The following ADGRL2 variants were observed in gnomAD, a reference collection of about 807,000 sequenced individuals.
ADGRL2 encodes calcium-independent alpha-latrotoxin receptor 2.
ADGRL2 carries 44 observed loss-of-function variants against 157.4 expected under a neutral mutation model. That is an observed-to-expected ratio of 0.28 (90% CI 0.22 to 0.36). ADGRL2 has a LOEUF of 0.36. ADGRL2 is among the 10% of genes least tolerant of loss of function. The probability of loss-of-function intolerance (pLI) is 1.00; values close to 1 mark genes in which losing one functional copy is unlikely to be tolerated. For synonymous variants in ADGRL2, 585 were observed against 624.7 expected, an observed-to-expected ratio of 0.94 and a Z score of 0.95; for missense variants, 1,510 against 1,768.9, an observed-to-expected ratio of 0.85 and a Z score of 2.63.
intron 1 of ADGRL2, among the ~76,000 whole-genome samples, chr1:81,357,610 A>T (rs917126027): frequency 2.0e-5 from 3 of 152,222 alleles, no homozygotes; most frequent in African/African-American, 7.2e-5. Flanking sequence ...AATTTCAGAA[A>T]TTCCTTATTA....
Position 81,943,250 on chromosome 1 carries a change from A to C in ADGRL2, c.691A>C (p.Arg231=), listed in dbSNP as rs778539325. 2.5e-6 allele frequency: 4 copies of C among 1,613,546 alleles called. No individual in the cohort carries two copies. The highest frequency in any genetic ancestry group is 1.3e-5 in the African/African-American group (1 of 74,880). The change falls in exon 6 of 24, where the codon AGG becomes CGG. Residue 231 remains arginine (R), a synonymous_variant. Coordinates refer to ENST00000686636, the MANE Select transcript of ADGRL2 (RefSeq NM_001366006.2). The surrounding 1 kb of genome is among the most constrained non-coding windows in gnomAD (Gnocchi z 5.6). ...TGTCTTCTTTAACAAAGAAAGAACG[A>C]GGAATATTGTGAAATTTGACTTGAG... ...GAVFFNKERT[R]NIVKFDLRTR...
At chr1:81,675,989 G>GT (rs1557556999) in intron 3 of ADGRL2, among the ~76,000 whole-genome samples, 1 of 152,066 alleles carries the variant, frequency 6.6e-6, no homozygotes, top group Non-Finnish European at 1.5e-5. Context: ...CCATAACAAG[G>GT]TTTTTTGTCT....
At position 81,691,895 on chromosome 1, in the gene ADGRL2, T is replaced by C. The variant is rs553946220; in HGVS notation, c.-142-69916T>C. Among the ~76,000 whole-genome samples the C allele has an allele frequency of 1.8e-4, 26 of 147,928 alleles. No individual in the cohort carries two copies. In the South Asian group the frequency reaches 3.8e-3, roughly 22 times the overall value. On this transcript the variant is annotated intron_variant, in intron 3 of 24. Transcript: ENST00000370721. Reference sequence around the variant, plus strand: ...GTGTGTGTGTGTATATATATATATATGTATGTGTATATAGATATATGTGTG... The same window carrying C: ...GTGTGTGTGTGTATATATATATATACGTATGTGTATATAGATATATGTGTG...
intron 1 of ADGRL2, among the ~76,000 whole-genome samples, chr1:81,321,435 T>C (rs1660491309): frequency 6.6e-6 from 1 of 152,236 alleles, no homozygotes; most frequent in Non-Finnish European, 1.5e-5. Context: ...TAACATGCCT[T>C]TCTCACTAAG....
At chr1:81,363,946 A>G (rs2076021073) in intron 1 of ADGRL2, among the ~76,000 whole-genome samples, 1 of 152,204 alleles carries the variant, frequency 6.6e-6, no homozygotes, top group Non-Finnish European at 1.5e-5. Context: ...CTACTTTGAA[A>G]TGAAGAAATT....
chr1:81,759,012 A>G (rs749280052), intron 1 of ADGRL2, among the ~76,000 whole-genome samples: 6 of 152,166 alleles, frequency 3.9e-5, no homozygotes, highest in Non-Finnish European at 7.4e-5. Context: ...ATGAGAAGTT[A>G]GCTTTTCAAT....
intron 2 of ADGRL2, among the ~76,000 whole-genome samples, chr1:81,873,635 G>T (rs2093755111): frequency 6.6e-6 from 1 of 152,034 alleles, no homozygotes; most frequent in Non-Finnish European, 1.5e-5. Flanking sequence ...GGTAAAATTT[G>T]CTGATCATGT....
intron 1 of ADGRL2, among the ~76,000 whole-genome samples, chr1:81,312,674 T>C (rs1659837418): frequency 6.6e-6 from 1 of 152,188 alleles, no homozygotes; most frequent in African/African-American, 2.4e-5. Flanking sequence ...ATTTGTGAAA[T>C]CCTTTTGATT....
chr1:81,942,123 A>T, intron 5 of ADGRL2, 78 bp downstream of exon 5: 1 of 613,354 alleles, frequency 1.6e-6, no homozygotes, highest in Admixed American at 2.7e-5. Flanking sequence ...CCCTCTCCCC[A>T]CAACACTCCT....
intron 2 of ADGRL2, chr1:81,502,571 G>T: frequency 1.2e-6 from 2 of 1,613,994 alleles, no homozygotes; most frequent in Non-Finnish European, 1.7e-6. Flanking sequence ...GGGCCTGGTG[G>T]AGATCATCAA....
At chr1:81,688,374 C>CT (rs1258275041) in intron 3 of ADGRL2, among the ~76,000 whole-genome samples, 1 of 151,924 alleles carries the variant, frequency 6.6e-6, no homozygotes, top group African/African-American at 2.4e-5. Context: ...TTTTCTTATT[C>CT]TTTTTTCTTT....
intron 23 of ADGRL2, chr1:81,989,794 T>C: frequency 6.6e-7 from 1 of 1,525,074 alleles, no homozygotes; most frequent in African/African-American, 1.4e-5. Flanking sequence ...ATGGCTGTCT[T>C]TGTTTAACAT....
chr1:81,869,296 A>C (rs977578662), intron 2 of ADGRL2, among the ~76,000 whole-genome samples: 2 of 152,204 alleles, frequency 1.3e-5, no homozygotes, highest in East Asian at 1.9e-4. Context: ...TGTCGAGAAT[A>C]TAAAAATTTA....
chr1:81,789,701 CAAAA>C (rs34269882), intron 2 of ADGRL2, among the ~76,000 whole-genome samples: 3 of 88,502 alleles, frequency 3.4e-5, no homozygotes, highest in South Asian at 3.8e-4. Context: ...GTCTCCGTCT[CAAAA>C]AAAAAAAAAA....
intron 3 of ADGRL2, among the ~76,000 whole-genome samples, chr1:81,637,394 A>G (rs933984330): frequency 6.6e-6 from 1 of 152,208 alleles, no homozygotes; most frequent in Non-Finnish European, 1.5e-5. Flanking sequence ...GCTAGTAGGT[A>G]GTAGAAAGAG....
intron 1 of ADGRL2, among the ~76,000 whole-genome samples, chr1:81,418,131 A>T (rs1241271643): frequency 6.6e-6 from 1 of 152,218 alleles, no homozygotes; most frequent in Non-Finnish European, 1.5e-5. Context: ...GGTAACTACC[A>T]ATGTATGCTA....
At chr1:81,868,035 A>G (rs542161821) in intron 2 of ADGRL2, among the ~76,000 whole-genome samples, 1 of 148,972 alleles carries the variant, frequency 6.7e-6, no homozygotes, top group Non-Finnish European at 1.5e-5. Context: ...AAAAAGCTCC[A>G]CTTTGGGCAA....
chr1:81,641,159 A>T (rs1009449986), intron 3 of ADGRL2, among the ~76,000 whole-genome samples: 1 of 152,212 alleles, frequency 6.6e-6, no homozygotes. Flanking sequence ...CTTTTTAAAA[A>T]TATATATAAG....
intron 1 of ADGRL2, among the ~76,000 whole-genome samples, chr1:81,322,318 T>A (rs1323644024): frequency 6.6e-6 from 1 of 151,906 alleles, no homozygotes; most frequent in South Asian, 2.1e-4. Context: ...TCAAAGTAAA[T>A]ATGGTTAGCC....
Sources: allele counts gnomAD v4.1 joint callset (sites outside exome capture counted in the v4.1 genomes callset), GRCh38; gene constraint gnomAD v4.1.1; non-coding constraint Gnocchi (gnomAD v3.1); transcripts MANE v1.5; gene names NCBI Gene and HGNC (gene_info 2026-07-23, HGNC 2026-07-21).